FAM110B: variants seen among roughly 807,000 people sequenced by gnomAD.
FAM110B encodes family with sequence similarity 110 member B.
A neutral mutation model predicts 20.4 loss-of-function variants in FAM110B; 6 were observed. That is an observed-to-expected ratio of 0.29 (90% CI 0.16 to 0.58). The LOEUF is 0.58. Ranked by LOEUF, FAM110B falls within the 20% of genes least tolerant of loss-of-function variation. FAM110B has a pLI of 0.90. For synonymous variants in FAM110B, 226 were observed against 214.1 expected (o/e 1.06, Z -0.49); for missense variants, 434 against 498.2 (o/e 0.87, Z 1.23).
chr8:58,095,604 C>T (rs1228036634), intron 3 of FAM110B, among the ~76,000 whole-genome samples: 3 of 152,116 alleles, frequency 2.0e-5, no homozygotes, highest in Non-Finnish European at 4.4e-5. Flanking sequence ...GTTTGAGAGA[C>T]TGTTTGATAT....
intron 2 of FAM110B, among the ~76,000 whole-genome samples, chr8:58,041,004 C>T (rs373877388): frequency 6.4e-5 from 9 of 140,912 alleles, no homozygotes; most frequent in Non-Finnish European, 1.1e-4. Context: ...TGCAGTGGCG[C>T]GATCTTGGCT....
chr8:57,998,237 G>A (rs1275695228), intron 1 of FAM110B, among the ~76,000 whole-genome samples: 1 of 152,170 alleles, frequency 6.6e-6, no homozygotes, highest in African/African-American at 2.4e-5. Context: ...GGAAGGTTGA[G>A]GAGAGAGATG....
chr8:58,119,017 T>TAAA (rs1416337423), intron 3 of FAM110B, among the ~76,000 whole-genome samples: 5 of 152,194 alleles, frequency 3.3e-5, no homozygotes, highest in Admixed American at 6.5e-5. Context: ...TGGCATCCTT[T>TAAA]AGAAACCAAA....
At chr8:58,011,775 G>T (rs772541149) in intron 1 of FAM110B, among the ~76,000 whole-genome samples, 1 of 152,194 alleles carries the variant, frequency 6.6e-6, no homozygotes, top group Non-Finnish European at 1.5e-5. Flanking sequence ...ATGACATTTA[G>T]TTCTGGAAGA....
At chr8:58,101,044 G>T (rs1160703917) in intron 3 of FAM110B, 1 of 152,130 alleles carries the variant, frequency 6.6e-6, no homozygotes, top group Non-Finnish European at 1.5e-5. Flanking sequence ...GGGCATGGTG[G>T]TGGGCACCTG....
chr8:58,075,273 T>G (rs35272994), intron 2 of FAM110B, among the ~76,000 whole-genome samples: 25,514 of 144,478 alleles, frequency 0.18, 2,409 homozygotes, highest in African/African-American at 0.25. Context: ...TTTTTTTTTT[T>G]TTTGTGTGTG....
intron 3 of FAM110B, among the ~76,000 whole-genome samples, chr8:58,090,389 A>C (rs1806445940): frequency 6.6e-6 from 1 of 152,146 alleles, no homozygotes. Flanking sequence ...TCAAACTCCT[A>C]AGCTCAGGCA....
intron 3 of FAM110B, among the ~76,000 whole-genome samples, chr8:58,096,331 A>G (rs1806626963): frequency 1.3e-5 from 2 of 152,076 alleles, no homozygotes; most frequent in African/African-American, 4.8e-5. Flanking sequence ...ACCTGCCACC[A>G]CACCCGGCTA....
chr8:58,121,926 C>A (rs779418739), intron 3 of FAM110B, among the ~76,000 whole-genome samples: 1 of 152,206 alleles, frequency 6.6e-6, no homozygotes, highest in Non-Finnish European at 1.5e-5. Flanking sequence ...GGCTGCCCTT[C>A]TGGATGGAAT....
At chr8:58,054,917 C>CTT (rs35340264) in intron 2 of FAM110B, among the ~76,000 whole-genome samples, 4 of 150,836 alleles carry the variant, frequency 2.7e-5, no homozygotes, top group Admixed American at 6.6e-5. Context: ...TATTTTTCTT[C>CTT]TTTTTTTTTA....
At chr8:58,007,594 G>A (rs1804436645) in intron 1 of FAM110B, among the ~76,000 whole-genome samples, 1 of 152,190 alleles carries the variant, frequency 6.6e-6, no homozygotes, top group South Asian at 2.1e-4. Flanking sequence ...TGATGAGGGT[G>A]GAGCCCTTAT....
At chr8:58,040,060 C>A (rs1477406389) in intron 2 of FAM110B, among the ~76,000 whole-genome samples, 1 of 151,928 alleles carries the variant, frequency 6.6e-6, no homozygotes, top group Non-Finnish European at 1.5e-5. Context: ...CTGTGTTACC[C>A]AGGCTGGCCT....
chr8:58,085,915 G>A (rs965694880), intron 3 of FAM110B, among the ~76,000 whole-genome samples: 4 of 152,198 alleles, frequency 2.6e-5, no homozygotes, highest in South Asian at 2.1e-4. Context: ...AATTATCAAT[G>A]GGAAAGTATG....
At chr8:58,023,554 C>T (rs1036340753) in intron 1 of FAM110B, among the ~76,000 whole-genome samples, 8 of 152,216 alleles carry the variant, frequency 5.3e-5, no homozygotes, top group African/African-American at 1.9e-4. Flanking sequence ...CTACCATTCT[C>T]TCCTGCCTAG....
intron 2 of FAM110B, among the ~76,000 whole-genome samples, chr8:58,036,374 T>A (rs1805073992): frequency 6.6e-6 from 1 of 152,222 alleles, no homozygotes; most frequent in Admixed American, 6.5e-5. Context: ...AGACTTATTA[T>A]CTTACTTGAT....
intron 1 of FAM110B, among the ~76,000 whole-genome samples, chr8:57,997,844 G>A (rs1417348748): frequency 2.0e-5 from 3 of 152,204 alleles, no homozygotes; most frequent in Admixed American, 6.5e-5. Flanking sequence ...ATGGTTGATG[G>A]TGGGTGTGGT....
intron 2 of FAM110B, among the ~76,000 whole-genome samples, chr8:58,059,233 G>A (rs1805608447): frequency 1.3e-5 from 2 of 152,156 alleles, no homozygotes; most frequent in African/African-American, 4.8e-5. Context: ...TTTGAATAAA[G>A]TTGCTGTAAA....
Position 58,146,815 on chromosome 8 carries a change from C to T in FAM110B, c.585C>T (p.His195=). 1.9e-6 allele frequency: 3 copies of T among 1,610,290 alleles called. No homozygotes were observed. The highest frequency in any genetic ancestry group is 2.5e-6 in the Non-Finnish European group (3 of 1,177,620). Residue 195 remains histidine (H), a synonymous_variant, in exon 4 of 4, where the codon CAC becomes CAT. Coordinates refer to ENST00000519262, the MANE Select transcript of FAM110B (RefSeq NM_001377989.1). ...LLEQSAESFL[H]VSHSSSDIRK... ...AGCAGTCAGCCGAGTCCTTCCTCCA[C>T]GTGTCCCACAGCTCTTCGGACATCC...
chr8:58,096,532 C>T (rs192378256), intron 3 of FAM110B, among the ~76,000 whole-genome samples: 10 of 152,210 alleles, frequency 6.6e-5, no homozygotes, highest in Non-Finnish European at 7.4e-5. Context: ...GGGCATTTAG[C>T]CCGTTTACAT....
Sources: allele counts gnomAD v4.1 joint callset (sites outside exome capture counted in the v4.1 genomes callset), GRCh38; gene constraint gnomAD v4.1.1; transcripts MANE v1.5; gene names NCBI Gene and HGNC (gene_info 2026-07-23, HGNC 2026-07-21).